Variants in DIP2C observed in about 807,000 individuals in gnomAD.
DIP2C encodes the protein disco-interacting protein 2 homolog C.
In DIP2C, 33 loss-of-function variants were observed where a neutral mutation model predicts 192.4. The ratio of observed to expected loss-of-function variants is 0.17; its 90% CI spans 0.13 to 0.23. DIP2C has a LOEUF of 0.23. Ranked by LOEUF, DIP2C falls within the 10% of genes least tolerant of loss-of-function variation. The pLI, the probability that DIP2C is intolerant of heterozygous loss-of-function variation, is 1.00. For synonymous variants in DIP2C, 979 were observed against 864.1 expected, an observed-to-expected ratio of 1.13 and a Z score of -2.33; for missense variants, 1,537 against 2,110.1, an observed-to-expected ratio of 0.73 and a Z score of 5.32.
At position 651,465 on chromosome 10, in the gene DIP2C, G is replaced by C. The variant is rs922676937; in HGVS notation, c.85+38029C>G. Reference sequence around the variant, plus strand: ...AGTAAAAATAGCAGAAGACTTAGTAGAATGTATGAGTAACAATTACAATTA... The same window carrying C: ...AGTAAAAATAGCAGAAGACTTAGTACAATGTATGAGTAACAATTACAATTA... On this transcript the variant is annotated intron_variant, in intron 1 of 36. Coordinates refer to ENST00000280886, the MANE Select transcript of DIP2C (RefSeq NM_014974.3). This position sits in a 1 kb window ranked among gnomAD's most constrained non-coding sequence, Gnocchi z 4.1. 1.5e-6 allele frequency: 1 copy of C among 648,386 alleles called. No individual in the cohort carries two copies. Among genetic ancestry groups the C allele is most frequent in the Non-Finnish European group, 2.8e-6 (1 of 352,928 alleles). 40.2% of individuals were successfully genotyped at this position (648,386 alleles called of 1,614,324 possible).
At chr10:562,271 CTT>C (rs34289846) in intron 1 of DIP2C, among the ~76,000 whole-genome samples, 5 of 152,240 alleles carry the variant, frequency 3.3e-5, no homozygotes, top group African/African-American at 9.6e-5. Context: ...TCAGGACAAA[CTT>C]TAAGCAGCAA....
chr10:514,633 C>A (rs896909361), intron 1 of DIP2C, among the ~76,000 whole-genome samples: 4 of 152,134 alleles, frequency 2.6e-5, no homozygotes, highest in Admixed American at 2.0e-4. Context: ...GCCACCTCCT[C>A]CTGGCCCCTG....
intron 1 of DIP2C, among the ~76,000 whole-genome samples, chr10:523,114 G>C (rs949010505): frequency 1.3e-5 from 2 of 151,936 alleles, no homozygotes; most frequent in Non-Finnish European, 2.9e-5. Context: ...AGGATGCAGG[G>C]ACTCTGTGTC....
Position 505,006 on chromosome 10 carries a change from C to T in DIP2C, c.86-18476G>A, listed in dbSNP as rs549337662. ...CATTCATTCATTCATTCAGCAAAAC[C>T]GCCGTGAACCCGCGGGATCCCCACC... On this transcript the variant is annotated intron_variant, in intron 1 of 36. Coordinates refer to ENST00000280886, the MANE Select transcript of DIP2C (RefSeq NM_014974.3). 5.0e-4 allele frequency among the ~76,000 whole-genome samples: 76 copies of T among 152,200 alleles called. 2 individuals are homozygous for T. In the South Asian group the frequency reaches 0.015, roughly 29 times the overall value.
chr10:672,189 A>G (rs1315092613), intron 1 of DIP2C, among the ~76,000 whole-genome samples: 5 of 151,508 alleles, frequency 3.3e-5, no homozygotes, highest in Non-Finnish European at 7.4e-5. Context: ...CACCACAGAC[A>G]CACGGACGAA....
At chr10:348,593 C>T in intron 26 of DIP2C, 48 bp downstream of exon 26, 1 of 1,595,170 alleles carries the variant, frequency 6.3e-7, no homozygotes, top group Non-Finnish European at 8.5e-7. Flanking sequence ...GCAAGCTCCA[C>T]ACTCAGCTCC....
At chr10:449,660 G>T (rs1402686148) in intron 3 of DIP2C, among the ~76,000 whole-genome samples, 3 of 150,300 alleles carry the variant, frequency 2.0e-5, no homozygotes, top group Non-Finnish European at 4.4e-5. Flanking sequence ...AGGGATAGCA[G>T]TGGGAGATAT....
At chr10:646,530 G>A (rs1855465453) in intron 1 of DIP2C, among the ~76,000 whole-genome samples, 1 of 152,232 alleles carries the variant, frequency 6.6e-6, no homozygotes, top group South Asian at 2.1e-4. Context: ...CTGCCTCATG[G>A]AGCCGTCTTT....
chr10:289,157 C>T (rs191755774), intron 32 of DIP2C, among the ~76,000 whole-genome samples: 1 of 152,144 alleles, frequency 6.6e-6, no homozygotes, highest in African/African-American at 2.4e-5. Flanking sequence ...GGAGAAAGTG[C>T]TTGAAGGCTT....
At chr10:409,066 G>A (rs1339609960) in intron 8 of DIP2C, 49 bp from the exon 9 acceptor site, 1 of 1,584,300 alleles carries the variant, frequency 6.3e-7, no homozygotes, top group Non-Finnish European at 8.6e-7. Flanking sequence ...CATACGGAGA[G>A]CACAGCTTCT....
intron 1 of DIP2C, among the ~76,000 whole-genome samples, chr10:624,287 C>T (rs1345326652): frequency 3.9e-5 from 6 of 152,218 alleles, no homozygotes; most frequent in Non-Finnish European, 8.8e-5. Context: ...GGACCAAAGC[C>T]GGACCTGCCA....
rs528397752 is a variant in DIP2C, at chr10:396,599, C to T, written c.1260+2510G>A. 2.8e-4 allele frequency among the ~76,000 whole-genome samples: 43 copies of T among 152,252 alleles called. 1 individual carries two copies. In the South Asian group the frequency reaches 5.4e-3, roughly 19 times the overall value. ...AGAGCATGTCCAGAGAGCCCCTAAC[C>T]ATGGACATGAACATCAGCTGAAGAG... On this transcript the variant is annotated intron_variant, in intron 10 of 36. Coordinates refer to ENST00000280886, the MANE Select transcript of DIP2C (RefSeq NM_014974.3).
intron 4 of DIP2C, among the ~76,000 whole-genome samples, chr10:436,347 A>G (rs1457521669): frequency 6.6e-6 from 1 of 152,270 alleles, no homozygotes; most frequent in Non-Finnish European, 1.5e-5. Flanking sequence ...CAGGCAGCGC[A>G]GGCACTGCTG....
At chr10:379,317 CG>C (rs1051723600) in intron 17 of DIP2C, among the ~76,000 whole-genome samples, 1 of 151,448 alleles carries the variant, frequency 6.6e-6, no homozygotes, top group African/African-American at 2.4e-5. Flanking sequence ...GTGCATCCTG[CG>C]TATTTATCAA....
intron 1 of DIP2C, among the ~76,000 whole-genome samples, chr10:549,930 C>T (rs79946723): frequency 0.014 from 2,166 of 151,464 alleles, 22 homozygotes; most frequent in Non-Finnish European, 0.023. Flanking sequence ...TCCAGCCTGA[C>T]AATGCAGAGT....
At chr10:487,441 G>A (rs527291944) in intron 1 of DIP2C, among the ~76,000 whole-genome samples, 33 of 152,052 alleles carry the variant, frequency 2.2e-4, no homozygotes, top group African/African-American at 7.2e-4. Context: ...CTGCCTCCAC[G>A]GCTGCCTCCA....
intron 1 of DIP2C, among the ~76,000 whole-genome samples, chr10:615,539 G>A (rs546936239): frequency 6.6e-6 from 1 of 152,054 alleles, no homozygotes; most frequent in Admixed American, 6.5e-5. Context: ...TCAGGGTTAG[G>A]GTCAGAGTCA....
intron 31 of DIP2C, among the ~76,000 whole-genome samples, chr10:315,165 T>C (rs2132350801): frequency 6.6e-6 from 1 of 152,210 alleles, no homozygotes; most frequent in East Asian, 1.9e-4. Flanking sequence ...GGGGCCCAAC[T>C]TCCTGTTGTC....
chr10:607,491 T>C (rs1852579436), intron 1 of DIP2C, among the ~76,000 whole-genome samples: 1 of 152,230 alleles, frequency 6.6e-6, no homozygotes, highest in Non-Finnish European at 1.5e-5. Context: ...AAATGGTATC[T>C]ATGAGATCGT....
Sources: gnomAD v4.1 joint callset for allele counts (sites outside exome capture counted in the v4.1 genomes callset) on GRCh38, gnomAD v4.1.1 for gene constraint, Gnocchi (gnomAD v3.1) non-coding constraint, MANE v1.5 for transcripts, NCBI Gene and HGNC (gene_info 2026-07-23, HGNC 2026-07-21) for gene names.